DDX60L: variants seen among roughly 807,000 people sequenced by gnomAD.
DDX60L encodes the protein DExD/H-box 60 like, also known as probable ATP-dependent RNA helicase DDX60-like.
A neutral mutation model predicts 211.6 loss-of-function variants in DDX60L; 191 were observed. The ratio of observed to expected loss-of-function variants is 0.90; its 90% CI spans 0.80 to 1.02. The LOEUF (loss-of-function observed/expected upper bound fraction) is 1.02. Among genes scored for constraint, DDX60L ranks in the 50% least tolerant of loss-of-function variants. The pLI is 0.00. For synonymous variants in DDX60L, 706 were observed against 694.1 expected, an observed-to-expected ratio of 1.02 and a Z score of -0.27; for missense variants, 2,007 against 1,984.1, an observed-to-expected ratio of 1.01 and a Z score of -0.22.
rs1056481016 is a variant in DDX60L at position 168,455,989 on chromosome 4, A to T, written c.837+50T>A. ...CCACCAGTGAAGTTATACCAGTTACACCTGATGAATGACAGCTTTCTGCCT... is the reference window on the plus strand; with the variant it reads ...CCACCAGTGAAGTTATACCAGTTACTCCTGATGAATGACAGCTTTCTGCCT... On this transcript the variant is annotated intron_variant, in intron 7 of 37. Transcript: ENST00000682922. 3.9e-6 allele frequency: 5 copies of T among 1,292,226 alleles called. No homozygotes were observed. In the Admixed American group the frequency reaches 6.8e-5, roughly 18 times the overall value. The allele number at this position is 1,292,226 out of a possible 1,614,324, so 80.0% of individuals were successfully genotyped here.
intron 7 of DDX60L, among the ~76,000 whole-genome samples, chr4:168,455,281 T>C (rs930223964): frequency 6.6e-6 from 1 of 151,270 alleles, no homozygotes; most frequent in Non-Finnish European, 1.5e-5. Context: ...TTTGTGTGTG[T>C]GTGTGTGTGT....
intron 19 of DDX60L, among the ~76,000 whole-genome samples, chr4:168,417,885 A>G (rs867835186): frequency 6.6e-6 from 1 of 152,188 alleles, no homozygotes; most frequent in Non-Finnish European, 1.5e-5. Context: ...ATACATAAAG[A>G]AGAATATTTT....
intron 4 of DDX60L, among the ~76,000 whole-genome samples, chr4:168,468,165 T>A (rs1273003492): frequency 6.6e-6 from 1 of 151,706 alleles, no homozygotes; most frequent in African/African-American, 2.4e-5. Context: ...AGACTCCATC[T>A]CAAATAATAA....
In DDX60L at chr4:168,406,081, T is replaced by TG; in HGVS notation, c.3085-4dup. On this transcript the variant is annotated splice_polypyrimidine_tract_variant and splice_region_variant and intron_variant, in intron 23 of 37. Coordinates refer to ENST00000682922, the MANE Select transcript of DDX60L (RefSeq NM_001012967.3). ...ATGAATTCCTCTGGACACAATTCCT[T>TG]GGGGGGAAAATTATCACAAAATTAA... 1.3e-6 allele frequency: 2 copies of TG among 1,587,272 alleles called. No individual in the cohort carries two copies. The highest frequency in any genetic ancestry group is 1.2e-5 in the South Asian group (1 of 85,228).
At chr4:168,411,639 T>C (rs1285821245) in intron 22 of DDX60L, among the ~76,000 whole-genome samples, 1 of 152,106 alleles carries the variant, frequency 6.6e-6, no homozygotes, top group Non-Finnish European at 1.5e-5. Flanking sequence ...CCGAGGGTCC[T>C]AAATAAACTT....
chr4:168,360,427 A>T (rs1405258504), intron 37 of DDX60L, among the ~76,000 whole-genome samples: 1 of 152,244 alleles, frequency 6.6e-6, no homozygotes, highest in African/African-American at 2.4e-5. Flanking sequence ...CACTCTTTGT[A>T]GAAAGCTTCC....
chr4:168,366,334 T>G (rs937169328), intron 36 of DDX60L, among the ~76,000 whole-genome samples: 1 of 152,092 alleles, frequency 6.6e-6, no homozygotes, highest in Non-Finnish European at 1.5e-5. Context: ...AGTGTTTCTA[T>G]GCAATAATAG....
chr4:168,389,813 G>A (rs187090277), intron 29 of DDX60L, among the ~76,000 whole-genome samples: 25 of 152,306 alleles, frequency 1.6e-4, no homozygotes, highest in Admixed American at 1.4e-3. Context: ...AACCAAGGCT[G>A]TAGCTATAAG....
intron 25 of DDX60L, among the ~76,000 whole-genome samples, chr4:168,403,634 ATG>A (rs1471564970): frequency 6.6e-6 from 1 of 152,198 alleles, no homozygotes; most frequent in African/African-American, 2.4e-5. Flanking sequence ...TGAATGCTTT[ATG>A]TGTTTTACAT....
chr4:168,391,579 G>A lies in DDX60L; in HGVS notation c.3876C>T (p.Ala1292=). Residue 1292 remains alanine, a synonymous_variant, in exon 29 of 38, where the codon GCC becomes GCT. Transcript: ENST00000682922. ...IHMPCKSVVF[A]QDSVYLDALN... ...AAGCATCCAGATAGACTGAGTCTTG[G>A]GCAAAAACAACAGATTTGCATGGCA... 6.2e-7 allele frequency: 1 copy of A among 1,608,640 alleles called. No homozygotes were observed. The highest frequency in any genetic ancestry group is 1.7e-4 in the Middle Eastern group (1 of 6,046).
chr4:168,364,251 AG>A (rs1407829834), intron 36 of DDX60L, among the ~76,000 whole-genome samples: 6 of 152,266 alleles, frequency 3.9e-5, no homozygotes, highest in African/African-American at 1.4e-4. Flanking sequence ...AAAAGTGAGC[AG>A]GAGTAGCAAT....
chr4:168,453,450 G>A (rs551599112), intron 7 of DDX60L, among the ~76,000 whole-genome samples, 168 bp from the exon 8 acceptor site: 14 of 152,320 alleles, frequency 9.2e-5, no homozygotes, highest in Admixed American at 3.3e-4. Flanking sequence ...GTAGGTAAGA[G>A]GGAGGGAAAG....
At position 168,378,378 on chromosome 4, in the gene DDX60L, A is replaced by G; in HGVS notation, c.4461T>C (p.Ala1487=). Residue 1487 remains alanine (A), a synonymous_variant, in exon 33 of 38, where the codon GCT becomes GCC. Coordinates refer to ENST00000682922, the MANE Select transcript of DDX60L (RefSeq NM_001012967.3). ...CCTTTGACTGAGAAAAACTTAAATT[A>G]GCATTTTGGAATTTTGCTGGAATAT... ...RKYIPAKFQN[A]NLSFSQSKVI... 2 of 1,467,360 alleles carry G rather than the reference A, an allele frequency of 1.4e-6. No individual in the cohort carries two copies. The highest frequency in any genetic ancestry group is 9.3e-7 in the Non-Finnish European group (1 of 1,069,764). 90.9% of individuals were successfully genotyped at this position (1,467,360 alleles called of 1,614,324 possible). A position where few individuals can be genotyped will look rare whatever the true frequency, so the allele number is the denominator to read the frequency against.
intron 18 of DDX60L, 115 bp from the exon 19 acceptor site, chr4:168,419,512 T>C (rs188188008): frequency 1.9e-4 from 114 of 593,800 alleles, no homozygotes; most frequent in Admixed American, 6.7e-4. Flanking sequence ...ATTAAGATAA[T>C]ATTGCATCTT....
chr4:168,399,764 C>A (rs1008057310), intron 26 of DDX60L, among the ~76,000 whole-genome samples: 1 of 152,056 alleles, frequency 6.6e-6, no homozygotes, highest in Non-Finnish European at 1.5e-5. Context: ...ATTAATCAGA[C>A]CTTGGGGAGA....
At chr4:168,442,774 C>T (rs372722539) in intron 9 of DDX60L, among the ~76,000 whole-genome samples, 3 of 151,362 alleles carry the variant, frequency 2.0e-5, no homozygotes, top group African/African-American at 4.9e-5. Context: ...CACACTGACA[C>T]CTCACACGGC....
At chr4:168,396,453 AG>A (rs1397686031) in intron 26 of DDX60L, among the ~76,000 whole-genome samples, 1 of 152,108 alleles carries the variant, frequency 6.6e-6, no homozygotes, top group African/African-American at 2.4e-5. Context: ...GGAAAAGCAA[AG>A]GGGGCGGGGT....
chr4:168,387,882 AGCCATTCT>A (rs1744172869), intron 29 of DDX60L, among the ~76,000 whole-genome samples: 1 of 152,200 alleles, frequency 6.6e-6, no homozygotes, highest in Non-Finnish European at 1.5e-5. Context: ...TGATTATCAC[AGCCATTCT>A]GGAGACAGTG....
At chr4:168,451,124 C>A (rs997436124) in intron 8 of DDX60L, among the ~76,000 whole-genome samples, 1 of 152,144 alleles carries the variant, frequency 6.6e-6, no homozygotes, top group African/African-American at 2.4e-5. Flanking sequence ...TTTTCAGTGT[C>A]TTTTTCTAAT....
Sources: allele counts gnomAD v4.1 joint callset (sites outside exome capture counted in the v4.1 genomes callset), GRCh38; gene constraint gnomAD v4.1.1; transcripts MANE v1.5; gene names NCBI Gene and HGNC (gene_info 2026-07-23, HGNC 2026-07-21).